The following LRIG1 variants were observed in gnomAD, a reference collection of about 807,000 sequenced individuals.
The protein encoded by LRIG1 is leucine-rich repeats and immunoglobulin-like domains protein 1.
LRIG1 carries 48 observed loss-of-function variants against 99.2 expected under a neutral mutation model. The observed-to-expected ratio is 0.48, with a 90% CI of 0.38 to 0.62. The LOEUF (loss-of-function observed/expected upper bound fraction) is 0.62. Ranked by LOEUF, LRIG1 falls within the 20% of genes least tolerant of loss-of-function variation. LRIG1 has a pLI of 0.00. For missense variants in LRIG1, 1,646 were observed against 1,434.4 expected (o/e 1.15, Z -2.38); for synonymous variants, 772 against 596.1 (o/e 1.29, Z -4.30).
At chr3:66,432,314 G>A (rs984860392) in intron 3 of LRIG1, among the ~76,000 whole-genome samples, 11 of 152,144 alleles carry the variant, frequency 7.2e-5, no homozygotes, top group South Asian at 2.1e-4. Flanking sequence ...GTGCTTCTGC[G>A]GCCTCCAGGA....
chr3:66,420,659 C>A (rs541631196), intron 3 of LRIG1, among the ~76,000 whole-genome samples: 3 of 152,230 alleles, frequency 2.0e-5, no homozygotes, highest in Non-Finnish European at 4.4e-5. Context: ...GCATTGCGGA[C>A]ATGATGCCAA....
At chr3:66,467,703 A>G (rs570586925) in intron 1 of LRIG1, among the ~76,000 whole-genome samples, 8 of 152,366 alleles carry the variant, frequency 5.3e-5, no homozygotes, top group African/African-American at 1.9e-4. Context: ...CCACGTGGCT[A>G]GTGGCTATCA....
In LRIG1 at chr3:66,417,122, C is replaced by T. The variant is rs199659938; in HGVS notation, c.503+7G>A. Reference sequence around the variant, plus strand: ...CCAGCCACAGGTGGCAGAACAGAGGCACTTACAGCTCCTTTATAGGCGGTC... The same window carrying T: ...CCAGCCACAGGTGGCAGAACAGAGGTACTTACAGCTCCTTTATAGGCGGTC... On this transcript the variant is annotated splice_region_variant and intron_variant, in intron 4 of 18. Transcript: ENST00000273261. 4.3e-6 allele frequency: 7 copies of T among 1,613,736 alleles called. No homozygotes were observed. Among genetic ancestry groups the T allele is most frequent in the African/African-American group, 4.0e-5 (3 of 75,072 alleles).
chr3:66,386,200 A>AGCT lies in LRIG1; in HGVS notation c.1567_1569dup (p.Ser524dup), dbSNP rs1317364718. 2.5e-6 allele frequency: 4 copies of AGCT among 1,613,890 alleles called. No individual in the cohort carries two copies. In the South Asian group the frequency reaches 3.3e-5, roughly 13 times the overall value. On this transcript the variant is annotated inframe_insertion, in exon 13 of 19. Transcript: ENST00000273261. The stretch of plus-strand genomic sequence containing the variant: ...TTCTTCCAGGCAAAGGTCATGGGGG[A>AGCT]GCTGCTGCTGCTGGCTGCTGAGCAT...
At chr3:66,451,696 A>C in intron 2 of LRIG1, 63 bp from the exon 3 acceptor site, 1 of 1,231,468 alleles carries the variant, frequency 8.1e-7, no homozygotes, top group Non-Finnish European at 1.2e-6. Context: ...TCATACACAT[A>C]CAACAGAAAT....
rs1395071653 is a variant in LRIG1 at position 66,415,087 on chromosome 3, TGTG to T, written c.504-27_504-25del. On this transcript the variant is annotated intron_variant, in intron 4 of 18. Coordinates refer to ENST00000273261, the MANE Select transcript of LRIG1 (RefSeq NM_015541.3). ...TGCTGGAATGATTCAGAAAAGAAAA[TGTG>T]GTGGTTGGTCAAAGGCCTTCCTCAT... The T allele has an allele frequency of 1.9e-6, 3 of 1,577,840 alleles. No homozygotes were observed. In the Admixed American group the frequency reaches 5.5e-5, roughly 29 times the overall value.
chr3:66,417,191 A>C lies in LRIG1; in HGVS notation c.441T>G (p.Ser147Arg). The change falls in exon 4 of 19, where the codon AGT (serine) becomes AGG (arginine). Residue 147 changes from serine (S) to arginine (R), a missense_variant. Transcript: ENST00000273261. The stretch of plus-strand genomic sequence containing the variant: ...TCCGCACTTCCGTGATGTTGTTCAA[A>C]CTCAGATCTAACACTTCTAAGGAAA... ...AYLSLEVLDL[S>R]LNNITEVRNT... 2 of 1,614,080 alleles carry C rather than the reference A, an allele frequency of 1.2e-6. No individual in the cohort carries two copies. The highest frequency in any genetic ancestry group is 1.7e-6 in the Non-Finnish European group (2 of 1,179,998).
rs1349405160 is a variant in LRIG1, at chr3:66,500,635, G to A, written c.-228C>T. The stretch of plus-strand genomic sequence containing the variant: ...GGGCCGCAAACCCCGCGCCCATCCG[G>A]GCCGGCCGGCCCGCCCGCGCTAGCT... On this transcript the variant is annotated 5_prime_UTR_variant, in exon 1 of 19. Transcript: ENST00000273261. 3.2e-6 allele frequency: 1 copy of A among 314,902 alleles called. No homozygotes were observed. The highest frequency in any genetic ancestry group is 5.8e-6 in the Non-Finnish European group (1 of 173,146). 19.5% of individuals were successfully genotyped at this position (314,902 alleles called of 1,614,324 possible).
At chr3:66,493,959 AAG>A (rs1213729106) in intron 1 of LRIG1, among the ~76,000 whole-genome samples, 4 of 151,086 alleles carry the variant, frequency 2.6e-5, no homozygotes, top group Admixed American at 2.6e-4. Flanking sequence ...GAAAGAAAGA[AAG>A]AAAAAGAAAA....
intron 1 of LRIG1, among the ~76,000 whole-genome samples, chr3:66,467,654 C>T (rs531670458): frequency 6.6e-6 from 1 of 152,342 alleles, no homozygotes; most frequent in South Asian, 2.1e-4. Context: ...AGCCACCACG[C>T]CCAGCCCACA....
At chr3:66,430,052 C>A (rs1203448854) in intron 3 of LRIG1, among the ~76,000 whole-genome samples, 1 of 152,114 alleles carries the variant, frequency 6.6e-6, no homozygotes, top group Non-Finnish European at 1.5e-5. Context: ...ACGCTTAGAA[C>A]TTAAAAGGTA....
chr3:66,465,037 C>G (rs920007503), intron 1 of LRIG1, among the ~76,000 whole-genome samples: 1 of 152,102 alleles, frequency 6.6e-6, no homozygotes, highest in Non-Finnish European at 1.5e-5. Context: ...CTGGAATTAA[C>G]TAGAAAAGCC....
chr3:66,445,491 G>A (rs1703686895), intron 3 of LRIG1, among the ~76,000 whole-genome samples: 1 of 152,068 alleles, frequency 6.6e-6, no homozygotes, highest in Non-Finnish European at 1.5e-5. Flanking sequence ...AGGAAGGATG[G>A]GGCAACCCTT....
intron 7 of LRIG1, among the ~76,000 whole-genome samples, chr3:66,407,785 A>G (rs1371991848): frequency 2.0e-5 from 3 of 152,250 alleles, no homozygotes; most frequent in Non-Finnish European, 4.4e-5. Flanking sequence ...AGGTCATGAC[A>G]CACAACAACT....
Position 66,394,208 on chromosome 3 carries a change from A to AAC in LRIG1, c.1305-6_1305-5insGT. On this transcript the variant is annotated splice_region_variant and splice_polypyrimidine_tract_variant and intron_variant, in intron 11 of 18. Transcript: ENST00000273261. Reference sequence around the variant, plus strand: ...AAGCTGTCGCTGCTGATATGGCTGAAAGAAACACAACAGTGGATGCTTCAG... The same window carrying AAC: ...AAGCTGTCGCTGCTGATATGGCTGAAACAGAAACACAACAGTGGATGCTTCAG... 1 of 1,580,030 alleles carries AAC rather than the reference A, an allele frequency of 6.3e-7. No homozygotes were observed. Among genetic ancestry groups the AAC allele is most frequent in the Non-Finnish European group, 8.6e-7 (1 of 1,164,828 alleles).
chr3:66,449,529 C>G (rs376096890), intron 3 of LRIG1, among the ~76,000 whole-genome samples: 11 of 152,174 alleles, frequency 7.2e-5, no homozygotes, highest in African/African-American at 2.4e-4. Flanking sequence ...GGCACTTGGG[C>G]CAAGGAACAG....
chr3:66,421,828 C>G (rs569078384), intron 3 of LRIG1, among the ~76,000 whole-genome samples: 4 of 152,358 alleles, frequency 2.6e-5, no homozygotes, highest in African/African-American at 9.6e-5. Context: ...CATGAGGGCC[C>G]CGCCCCTGCA....
At chr3:66,419,198 G>A (rs997145552) in intron 3 of LRIG1, among the ~76,000 whole-genome samples, 7 of 152,304 alleles carry the variant, frequency 4.6e-5, no homozygotes, top group East Asian at 3.9e-4. Flanking sequence ...CTTACATTGC[G>A]AAGCCGTGGG....
rs1478863673 is a variant in LRIG1, at chr3:66,380,008, C to T, written c.*255G>A. ...ACCATGCACTAAAGATTAAAATAGC[C>T]TCTGTAAAAGATATATATGAAATCT... On this transcript the variant is annotated 3_prime_UTR_variant, in exon 19 of 19. Transcript: ENST00000273261. 1.3e-5 allele frequency: 4 copies of T among 306,108 alleles called. No homozygotes were observed. The highest frequency in any genetic ancestry group is 2.4e-5 in the Non-Finnish European group (4 of 166,884). 19.0% of individuals were successfully genotyped at this position (306,108 alleles called of 1,614,324 possible).
Sources: gnomAD v4.1 joint callset for allele counts (sites outside exome capture counted in the v4.1 genomes callset) on GRCh38, gnomAD v4.1.1 for gene constraint, MANE v1.5 for transcripts, NCBI Gene and HGNC (gene_info 2026-07-23, HGNC 2026-07-21) for gene names.